The following CROCC variants were observed in gnomAD, a reference collection of about 807,000 sequenced individuals.
CROCC encodes ciliary rootlet coiled-coil, rootletin.
Under a neutral mutation model 245.2 loss-of-function variants are expected in CROCC, and 180 were observed. The ratio of observed to expected loss-of-function variants is 0.73; its 90% CI spans 0.65 to 0.83. The LOEUF is 0.83. CROCC is among the 40% of genes least tolerant of loss of function. The pLI is 0.00. For synonymous variants in CROCC, 1,205 were observed against 1,241.6 expected (o/e 0.97, Z 0.62); for missense variants, 2,688 against 2,779.4 (o/e 0.97, Z 0.74).
chr1:16,947,353 C>T (rs1312054901), intron 17 of CROCC, among the ~76,000 whole-genome samples: 3 of 152,224 alleles, frequency 2.0e-5, no homozygotes, highest in Non-Finnish European at 4.4e-5. Context: ...CCTGTAGTCC[C>T]AGCTACTTGG....
At chr1:16,937,366 C>CAA (rs1181801684) in intron 9 of CROCC, among the ~76,000 whole-genome samples, 1 of 145,590 alleles carries the variant, frequency 6.9e-6, no homozygotes, top group East Asian at 2.0e-4. Context: ...AAAAAAAAAA[C>CAA]AAAAAAAAAG....
chr1:16,968,660 T>A (rs1309799591), intron 31 of CROCC, among the ~76,000 whole-genome samples: 1 of 152,248 alleles, frequency 6.6e-6, no homozygotes, highest in African/African-American at 2.4e-5. Flanking sequence ...ATAGGAGTCA[T>A]CTGGGACAAG....
At chr1:16,918,996 C>T (rs1471022884), upstream of CROCC, among the ~76,000 whole-genome samples, 3 of 152,270 alleles carry the variant, frequency 2.0e-5, no homozygotes, top group African/African-American at 7.2e-5. Flanking sequence ...CTCGGCATCC[C>T]AGTGTTGGGA....
At position 16,959,006 on chromosome 1, in the gene CROCC, G is replaced by A. The variant is rs2076290169; in HGVS notation, c.4032+256G>A. Among the ~76,000 whole-genome samples, 3 of 152,148 alleles carry A rather than the reference G, an allele frequency of 2.0e-5. No homozygotes were observed. In the South Asian group the frequency reaches 6.2e-4, roughly 32 times the overall value. On this transcript the variant is annotated intron_variant, in intron 26 of 36. Transcript: ENST00000375541. The stretch of plus-strand genomic sequence containing the variant: ...TTTCCCCAGCAGCCCTATGGGGTAG[G>A]TACTGTTAGCCCTTTTTATTTAGTT...
At position 16,931,202 on chromosome 1, in the gene CROCC, C is replaced by T. The variant is rs2075668755; in HGVS notation, c.850-89C>T. The T allele has an allele frequency of 5.9e-6, 7 of 1,184,364 alleles. No homozygotes were observed. In the South Asian group the frequency reaches 8.9e-5, roughly 15 times the overall value. The allele number at this position is 1,184,364 out of a possible 1,614,324, so 73.4% of individuals were successfully genotyped here. On this transcript the variant is annotated intron_variant, in intron 7 of 36. Coordinates refer to ENST00000375541, the MANE Select transcript of CROCC (RefSeq NM_014675.5). ...AGACCCAATCCCTGAACGACGGTGC[C>T]TCCCAGGATGGTCGGAGATGAGGGA...
chr1:16,936,542 T>C, intron 8 of CROCC, 95 bp from the exon 9 acceptor site: 1 of 1,283,078 alleles, frequency 7.8e-7, no homozygotes, highest in Non-Finnish European at 1.1e-6. Context: ...GTGCTGGGAT[T>C]ATAGGTGTGA....
intron 8 of CROCC, among the ~76,000 whole-genome samples, chr1:16,934,107 C>G (rs560231125): frequency 6.6e-6 from 1 of 152,324 alleles, no homozygotes; most frequent in East Asian, 1.9e-4. Context: ...AGCAGGATGC[C>G]CCTATGCCAG....
chr1:16,951,059 G>T lies in CROCC; in HGVS notation c.2943G>T (p.Gln981His). The T allele has an allele frequency of 6.2e-7, 1 of 1,606,070 alleles. No individual in the cohort carries two copies. ...TGGTGCAGGCTGAGCGGGAGGCCCA[G>T]GCCTCTCTGCGGGAGCAGCGGGCAG... ...QKLVQAEREA[Q>H]ASLREQRAAH... The change falls in exon 20 of 37, where the codon CAG becomes CAT. Residue 981 changes from glutamine to histidine, a missense_variant. Gln to His is a conservative substitution (Grantham distance 24). Coordinates refer to ENST00000375541, the MANE Select transcript of CROCC (RefSeq NM_014675.5).
At position 16,944,154 on chromosome 1, in the gene CROCC, G is replaced by T. The variant is rs1338540064; in HGVS notation, c.1863G>T (p.Glu621Asp). The change falls in exon 14 of 37, where the codon GAG becomes GAT. Residue 621 changes from glutamate to aspartate, a missense_variant. Transcript: ENST00000375541. ...AGGTGGCCCAGCAGCAGGCCGAGGAGCTGCGGCAGGAGCGGGAGAAGCTGC... is the reference window on the plus strand; with the variant it reads ...AGGTGGCCCAGCAGCAGGCCGAGGATCTGCGGCAGGAGCGGGAGAAGCTGC... ...SLQVAQQQAE[E>D]LRQEREKLQA... 6.4e-7 allele frequency: 1 copy of T among 1,559,234 alleles called. No homozygotes were observed. Among genetic ancestry groups the T allele is most frequent in the Admixed American group, 1.9e-5 (1 of 51,584 alleles).
chr1:16,950,651 C>T (rs1298089401), intron 19 of CROCC, among the ~76,000 whole-genome samples: 1 of 152,274 alleles, frequency 6.6e-6, no homozygotes, highest in Admixed American at 6.5e-5. Context: ...AGCCAAGGCA[C>T]CTGACCTAGG....
intron 12 of CROCC, among the ~76,000 whole-genome samples, chr1:16,939,348 A>G (rs186393330): frequency 8.5e-5 from 13 of 152,316 alleles, no homozygotes; most frequent in East Asian, 1.9e-4. Context: ...TCTGCGGTGA[A>G]GCCGAGCCCA....
intron 8 of CROCC, among the ~76,000 whole-genome samples, chr1:16,934,815 CT>C (rs1458482014): frequency 1.3e-5 from 2 of 149,506 alleles, no homozygotes; most frequent in Admixed American, 6.7e-5. Flanking sequence ...CAGATTTTTT[CT>C]TTTTTCTTTT....
chr1:16,946,941 C>G lies in CROCC; in HGVS notation c.2464C>G (p.Leu822Val), dbSNP rs766211412. 10 of 1,560,852 alleles carry G rather than the reference C, an allele frequency of 6.4e-6. No homozygotes were observed. The highest frequency in any genetic ancestry group is 5.4e-5 in the African/African-American group (4 of 73,766). ...EQAQEALEQQ[L>V]PTLRHERSQL... ...GGCCCAGGAGGCATTGGAGCAGCAG[C>G]TCCCCACGCTGCGCCATGAGCGCAG... Residue 822 changes from leucine to valine, a missense_variant, in exon 17 of 37, where the codon CTC (leucine) becomes GTC (valine). By Grantham distance (32) the Leu-to-Val change is conservative. Transcript: ENST00000375541.
chr1:16,934,319 T>TTC (rs397702780), intron 8 of CROCC, among the ~76,000 whole-genome samples: 2 of 152,208 alleles, frequency 1.3e-5, no homozygotes, highest in Non-Finnish European at 2.9e-5. Context: ...TTTTTTTTTT[T>TTC]GAGACAGTCT....
At chr1:16,928,493 G>T (rs1259308241) in intron 3 of CROCC, among the ~76,000 whole-genome samples, 2 of 152,190 alleles carry the variant, frequency 1.3e-5, no homozygotes, top group Non-Finnish European at 2.9e-5. Flanking sequence ...GGATGGAGGG[G>T]ACCTTTTTTT....
chr1:16,942,417 AG>A (rs2075952930), intron 13 of CROCC, among the ~76,000 whole-genome samples: 1 of 152,286 alleles, frequency 6.6e-6, no homozygotes, highest in Non-Finnish European at 1.5e-5. Context: ...TTTGAAAAAT[AG>A]GAATAAAAAG....
In CROCC at chr1:16,948,537, G is replaced by T; in HGVS notation, c.2708+13G>T. 2 of 1,521,608 alleles carry T rather than the reference G, an allele frequency of 1.3e-6. No homozygotes were observed. Among genetic ancestry groups the T allele is most frequent in the Non-Finnish European group, 1.8e-6 (2 of 1,134,580 alleles). The allele number at this position is 1,521,608 out of a possible 1,614,324, so 94.3% of individuals were successfully genotyped here. A position where few individuals can be genotyped will look rare whatever the true frequency, so the allele number is the denominator to read the frequency against. ...CCACACGCCTGCGGTAAGGCCTTGG[G>T]CTCTGCCCAACCCGCCCTGGGGGGT... On this transcript the variant is annotated intron_variant, in intron 18 of 36. Coordinates refer to ENST00000375541, the MANE Select transcript of CROCC (RefSeq NM_014675.5).
Position 16,960,919 on chromosome 1 carries a change from T to C in CROCC, c.4194T>C (p.Ala1398=), listed in dbSNP as rs2273113. ...AGCTGGAGGCGGCGCGGGCCGAGGC[T>C]GCAGAGCTGGGCCTGCGGCTGAGCG... ...ELKLEAARAE[A]AELGLRLSAA... Residue 1398 remains alanine, a synonymous_variant, in exon 27 of 37, where the codon GCT becomes GCC. Coordinates refer to ENST00000375541, the MANE Select transcript of CROCC (RefSeq NM_014675.5). The C allele has an allele frequency of 0.41, 604,781 of 1,492,890 alleles. 125,686 individuals are homozygous for C. Among genetic ancestry groups the C allele is most frequent in the Middle Eastern group, 0.44 (1,865 of 4,222 alleles). 92.5% of individuals were successfully genotyped at this position (1,492,890 alleles called of 1,614,324 possible).
chr1:16,921,896 C>T (rs1299970812), upstream of CROCC: 46 of 1,066,008 alleles, frequency 4.3e-5, no homozygotes, highest in Non-Finnish European at 6.0e-5. Context: ...ATGGGGGCGC[C>T]GCCGGATTTA....
Sources: allele counts gnomAD v4.1 joint callset (sites outside exome capture counted in the v4.1 genomes callset), GRCh38; gene constraint gnomAD v4.1.1; transcripts MANE v1.5; gene names NCBI Gene and HGNC (gene_info 2026-07-23, HGNC 2026-07-21).